PDE4D: variants seen among roughly 807,000 people sequenced by gnomAD.
PDE4D encodes the protein phosphodiesterase 4D, also known as 3',5'-cyclic-AMP phosphodiesterase 4D.
In PDE4D, 24 loss-of-function variants were observed where a neutral mutation model predicts 87.4. The observed-to-expected ratio is 0.27, with a 90% confidence interval of 0.20 to 0.39. The LOEUF (loss-of-function observed/expected upper bound fraction) is 0.39. Among genes scored for constraint, PDE4D ranks in the 10% least tolerant of loss-of-function variants. PDE4D has a pLI of 1.00. For missense variants in PDE4D, 714 were observed against 1,041.0 expected (o/e 0.69, Z 4.32); for synonymous variants, 384 against 383.2 (o/e 1.00, Z -0.02).
At chr5:59,304,089 T>C (rs1345560414) in intron 1 of PDE4D, among the ~76,000 whole-genome samples, 1 of 152,166 alleles carries the variant, frequency 6.6e-6, no homozygotes, top group African/African-American at 2.4e-5. Context: ...GTAGTTTTCC[T>C]TGTAGAAGTC....
chr5:59,999,975 G>A (rs1019353147), intron 2 of PDE4D, among the ~76,000 whole-genome samples: 6 of 151,718 alleles, frequency 4.0e-5, no homozygotes, highest in African/African-American at 1.5e-4. Context: ...ACTCCATCAA[G>A]CAGAAGAAAG....
intron 1 of PDE4D, among the ~76,000 whole-genome samples, chr5:59,668,839 GGAAGAGGAA>G (rs1746595446): frequency 2.2e-4 from 13 of 59,202 alleles, no homozygotes; most frequent in Middle Eastern, 8.1e-3. Flanking sequence ...AAGAGGAAGA[GGAAGAGGAA>G]GAAGAAGAAG....
chr5:59,473,174 T>C (rs989663033), intron 1 of PDE4D, among the ~76,000 whole-genome samples: 1 of 151,874 alleles, frequency 6.6e-6, no homozygotes, highest in Non-Finnish European at 1.5e-5. Flanking sequence ...AAAAGACTGT[T>C]TCAGGTCTTT....
At chr5:59,704,573 A>G (rs921511670) in intron 1 of PDE4D, among the ~76,000 whole-genome samples, 4 of 152,202 alleles carry the variant, frequency 2.6e-5, no homozygotes, top group African/African-American at 9.6e-5. Flanking sequence ...CTGAGATAAC[A>G]CACTTGAGTT....
chr5:59,191,793 A>C (rs143768418), intron 3 of PDE4D, among the ~76,000 whole-genome samples: 49 of 151,794 alleles, frequency 3.2e-4, no homozygotes, highest in Non-Finnish European at 5.9e-4. Context: ...CTGGTCTCGA[A>C]CTCCTGACCT....
intron 1 of PDE4D, among the ~76,000 whole-genome samples, chr5:59,872,555 A>G (rs1419035163): frequency 1.3e-5 from 2 of 152,224 alleles, no homozygotes; most frequent in African/African-American, 4.8e-5. Flanking sequence ...GATAATAATC[A>G]TGACTGTATA....
intron 3 of PDE4D, among the ~76,000 whole-genome samples, chr5:59,957,502 G>T (rs2152808129): frequency 6.6e-6 from 1 of 152,004 alleles, no homozygotes; most frequent in South Asian, 2.1e-4. Flanking sequence ...TGTTATATAT[G>T]ATATTCAAAG....
chr5:59,421,420 C>T (rs115074326), intron 1 of PDE4D, among the ~76,000 whole-genome samples: 10 of 152,192 alleles, frequency 6.6e-5, no homozygotes, highest in Admixed American at 6.5e-4. Context: ...ACTTCAGAGG[C>T]TCTTACAGTA....
chr5:60,397,010 A>G (rs1411093640), intron 1 of PDE4D, among the ~76,000 whole-genome samples: 1 of 152,184 alleles, frequency 6.6e-6, no homozygotes, highest in African/African-American at 2.4e-5. Context: ...GTCCAATGCA[A>G]ATTTTTAGGA....
intron 1 of PDE4D, among the ~76,000 whole-genome samples, chr5:59,573,532 C>G (rs960680388): frequency 2.6e-5 from 4 of 152,136 alleles, no homozygotes; most frequent in African/African-American, 9.7e-5. Flanking sequence ...GAATTTTCCT[C>G]ATCCTGTCCT....
rs145295206 is a variant in PDE4D at position 60,459,678 on chromosome 5, G to T, written c.-90+28264C>A. On this transcript the variant is annotated intron_variant, in intron 1 of 16. Coordinates refer to the PDE4D transcript ENST00000502484. ...AATGAATTTCAAACAGAAAGGCGTA[G>T]AGACACTTTTCCCATTGTATTCTGC... 5.3e-5 allele frequency among the ~76,000 whole-genome samples: 8 copies of T among 152,262 alleles called. 1 individual carries two copies. In the East Asian group the frequency reaches 1.5e-3, roughly 29 times the overall value.
chr5:60,013,477 T>C (rs1765212236), intron 2 of PDE4D, among the ~76,000 whole-genome samples: 1 of 152,182 alleles, frequency 6.6e-6, no homozygotes, highest in Non-Finnish European at 1.5e-5. Flanking sequence ...TGTGTGTGTG[T>C]ATGCATATGT....
At chr5:59,379,140 C>T (rs1785282513) in intron 1 of PDE4D, among the ~76,000 whole-genome samples, 1 of 152,040 alleles carries the variant, frequency 6.6e-6, no homozygotes, top group South Asian at 2.1e-4. Flanking sequence ...AGCCACAACA[C>T]CCAAACCTGA....
intron 1 of PDE4D, among the ~76,000 whole-genome samples, chr5:59,228,114 G>C (rs1754238589): frequency 6.6e-6 from 1 of 152,106 alleles, no homozygotes; most frequent in African/African-American, 2.4e-5. Context: ...AACATGGATG[G>C]AGCTACAGGC....
intron 1 of PDE4D, among the ~76,000 whole-genome samples, chr5:59,708,236 G>A (rs2150494389): frequency 6.6e-6 from 1 of 151,742 alleles, no homozygotes; most frequent in East Asian, 1.9e-4. Context: ...TTTCATGTTT[G>A]TTGGCTGCAT....
chr5:59,631,739 T>C (rs1278631852), intron 1 of PDE4D, among the ~76,000 whole-genome samples: 3 of 152,216 alleles, frequency 2.0e-5, no homozygotes, highest in Admixed American at 2.0e-4. Flanking sequence ...TTTCCCACGG[T>C]CTTCACTAGC....
intron 1 of PDE4D, among the ~76,000 whole-genome samples, chr5:59,767,912 T>C (rs1056456415): frequency 3.3e-5 from 5 of 152,102 alleles, no homozygotes; most frequent in African/African-American, 7.2e-5. Context: ...GGCAGGGAAA[T>C]TGGTTTAAGG....
chr5:60,331,541 T>C (rs1299871398), intron 1 of PDE4D, among the ~76,000 whole-genome samples: 1 of 152,220 alleles, frequency 6.6e-6, no homozygotes, highest in Non-Finnish European at 1.5e-5. Context: ...GAACGCAAAC[T>C]TCCCCCTGAA....
At chr5:60,499,138 T>C (rs149891289) in intron 1 of PDE4D, among the ~76,000 whole-genome samples, 40 of 152,340 alleles carry the variant, frequency 2.6e-4, no homozygotes, top group Middle Eastern at 6.8e-3. Context: ...GATATCCACA[T>C]GGGCCAAACA....
Sources: allele counts gnomAD v4.1 joint callset (sites outside exome capture counted in the v4.1 genomes callset), GRCh38; gene constraint gnomAD v4.1.1; transcripts MANE v1.5; gene names NCBI Gene and HGNC (gene_info 2026-07-23, HGNC 2026-07-21).